The following ZFAND6 variants were observed in gnomAD, a reference collection of about 807,000 sequenced individuals.
ZFAND6 encodes the protein AN1-type zinc finger protein 6.
In ZFAND6, 12 loss-of-function variants were observed where a neutral mutation model predicts 24.5. The ratio of observed to expected loss-of-function variants is 0.49; its 90% CI spans 0.31 to 0.79. The LOEUF (loss-of-function observed/expected upper bound fraction) is 0.79, where lower values mean the gene tolerates loss of function less well. Ranked by LOEUF, ZFAND6 falls within the 30% of genes least tolerant of loss-of-function variation. ZFAND6 has a pLI of 0.04. For synonymous variants in ZFAND6, 92 were observed against 81.5 expected (o/e 1.13, Z -0.69); for missense variants, 207 against 245.9 (o/e 0.84, Z 1.06).
chr15:80,069,811 C>G (rs1267059090), intron 1 of ZFAND6, among the ~76,000 whole-genome samples: 1 of 151,962 alleles, frequency 6.6e-6, no homozygotes. Flanking sequence ...GTTTCACCAT[C>G]TTGGCCAGGC....
At chr15:80,062,572 T>A (rs1373800527) in intron 1 of ZFAND6, among the ~76,000 whole-genome samples, 1 of 152,232 alleles carries the variant, frequency 6.6e-6, no homozygotes, top group Admixed American at 6.5e-5. Context: ...TACATGTAAT[T>A]TTGAATAACC....
At chr15:80,091,698 C>T (rs555582390) in intron 1 of ZFAND6, among the ~76,000 whole-genome samples, 44 of 152,110 alleles carry the variant, frequency 2.9e-4, no homozygotes, top group South Asian at 1.7e-3. Flanking sequence ...GGAGTGCAGA[C>T]GCACAATCAT....
At chr15:80,128,596 A>G (rs1417887335) in intron 5 of ZFAND6, among the ~76,000 whole-genome samples, 3 of 152,210 alleles carry the variant, frequency 2.0e-5, no homozygotes, top group Non-Finnish European at 4.4e-5. Context: ...GTACTATATC[A>G]TCTTGTCCGT....
chr15:80,079,688 C>T (rs1248512403), intron 1 of ZFAND6, among the ~76,000 whole-genome samples: 3 of 123,756 alleles, frequency 2.4e-5, no homozygotes, highest in Non-Finnish European at 4.8e-5. Flanking sequence ...CTCGCTGTGT[C>T]GCCCAGGCTG....
intron 1 of ZFAND6, among the ~76,000 whole-genome samples, chr15:80,074,321 TAGTA>T (rs2037144305): frequency 6.6e-6 from 1 of 151,894 alleles, no homozygotes; most frequent in Non-Finnish European, 1.5e-5. Context: ...GTGTTGCTAT[TAGTA>T]AGTATGGGGC....
At chr15:80,127,537 C>G (rs1360645297) in intron 5 of ZFAND6, among the ~76,000 whole-genome samples, 6 of 142,356 alleles carry the variant, frequency 4.2e-5, no homozygotes, top group Non-Finnish European at 3.0e-5. Flanking sequence ...TTGCAGTGAG[C>G]TGAGATTGTG....
chr15:80,080,104 T>A (rs2037565165), intron 1 of ZFAND6, among the ~76,000 whole-genome samples: 1 of 151,788 alleles, frequency 6.6e-6, no homozygotes, highest in South Asian at 2.1e-4. Flanking sequence ...GTTCAAGCAG[T>A]TCTCCCGTCT....
rs2040922853 is a variant in ZFAND6 at position 80,137,637 on chromosome 15, T to C, written c.*9T>C. ...AGATCCAAAAGATTTGAACTCCTGC[T>C]GGAATACAAAATTCTTGAGCATCTG... On this transcript the variant is annotated 3_prime_UTR_variant, in exon 7 of 7. Transcript: ENST00000261749. 1.3e-6 allele frequency: 2 copies of C among 1,565,288 alleles called. No homozygotes were observed. The highest frequency in any genetic ancestry group is 2.2e-5 in the Admixed American group (1 of 46,150).
intron 1 of ZFAND6, among the ~76,000 whole-genome samples, chr15:80,090,199 C>T (rs1227530640): frequency 2.6e-5 from 4 of 152,174 alleles, no homozygotes; most frequent in African/African-American, 4.8e-5. Flanking sequence ...GCCAGATGTA[C>T]ATTTTTTTCT....
chr15:80,061,138 G>C (rs1253136098), intron 1 of ZFAND6, among the ~76,000 whole-genome samples: 2 of 152,138 alleles, frequency 1.3e-5, no homozygotes, highest in African/African-American at 4.8e-5. Flanking sequence ...AAATATGCAC[G>C]TTTAGCTTTC....
At chr15:80,069,697 T>C (rs1389631295) in intron 1 of ZFAND6, among the ~76,000 whole-genome samples, 2 of 152,046 alleles carry the variant, frequency 1.3e-5, no homozygotes, top group East Asian at 1.9e-4. Context: ...CAATGTCTGC[T>C]GCCCGGGTTC....
Position 80,097,755 on chromosome 15 carries a change from A to G in ZFAND6, c.-180-661A>G, listed in dbSNP as rs532344892. The stretch of plus-strand genomic sequence containing the variant: ...TATTTGCTAATGGGATGGAGAAACA[A>G]AGATTTTTATCTTGTAATTGTAGTT... On this transcript the variant is annotated intron_variant, in intron 1 of 6. Coordinates refer to ENST00000261749, the MANE Select transcript of ZFAND6 (RefSeq NM_019006.4). Among the ~76,000 whole-genome samples the G allele has an allele frequency of 1.2e-4, 19 of 152,338 alleles. No individual in the cohort carries two copies. The South Asian group carries it at 3.1e-3, about 25-fold the overall frequency.
At chr15:80,102,720 T>C (rs1375890001) in intron 2 of ZFAND6, among the ~76,000 whole-genome samples, 9 of 152,162 alleles carry the variant, frequency 5.9e-5, no homozygotes, top group Admixed American at 5.9e-4. Context: ...TTAAAAGTAG[T>C]CTGGATTTCA....
In ZFAND6 at chr15:80,070,367, G is replaced by C. The variant is rs563626690; in HGVS notation, c.-181+10558G>C. Among the ~76,000 whole-genome samples the C allele has an allele frequency of 4.6e-5, 7 of 152,272 alleles. No individual in the cohort carries two copies. In the South Asian group the frequency reaches 1.5e-3, roughly 32 times the overall value. On this transcript the variant is annotated intron_variant, in intron 1 of 6. Transcript: ENST00000261749. ...TACTGCATGCAATCAGGGAGCTCCA[G>C]AGCTTTTTGCAGGCTCCTTGTTCCT...
At chr15:80,103,006 C>T (rs2039119299) in intron 2 of ZFAND6, among the ~76,000 whole-genome samples, 1 of 152,200 alleles carries the variant, frequency 6.6e-6, no homozygotes, top group African/African-American at 2.4e-5. Context: ...TCCTCCCCAC[C>T]TCCATCCATG....
intron 2 of ZFAND6, among the ~76,000 whole-genome samples, chr15:80,114,680 A>G (rs1245958480): frequency 6.6e-6 from 1 of 152,228 alleles, no homozygotes. Context: ...TGCTGTTATA[A>G]TTGAGTTTAT....
At chr15:80,072,764 A>T (rs1243047195) in intron 1 of ZFAND6, 1 of 152,054 alleles carries the variant, frequency 6.6e-6, no homozygotes, top group Non-Finnish European at 1.5e-5. Flanking sequence ...ACTGAACACT[A>T]AAATTAAGCA....
At chr15:80,104,494 G>A (rs185968582) in intron 2 of ZFAND6, among the ~76,000 whole-genome samples, 14 of 152,060 alleles carry the variant, frequency 9.2e-5, no homozygotes. Context: ...ACTCCAGCCT[G>A]GGCGACAGAG....
Position 80,122,791 on chromosome 15 carries a change from G to C in ZFAND6, c.355G>C (p.Asp119His). ...GGACAAAGCAGTACCTGAAACAGAA[G>C]ATGTGCAGGGTTTGTATATGAACTA... Reference protein sequence around the residue: ...SVDKAVPETEDVQASVSDTAQ... With the variant: ...SVDKAVPETEHVQASVSDTAQ... The change falls in exon 5 of 7, where the codon GAT (aspartate) becomes CAT (histidine). Residue 119 changes from aspartate to histidine, a missense_variant. Around this residue, in one of 3 missense-constraint regions of ZFAND6, gnomAD observed 133 missense variants for 122.8 expected, o/e 1.08. Coordinates refer to ENST00000261749, the MANE Select transcript of ZFAND6 (RefSeq NM_019006.4). 2 of 1,611,434 alleles carry C rather than the reference G, an allele frequency of 1.2e-6. No individual in the cohort carries two copies. Among genetic ancestry groups the C allele is most frequent in the Non-Finnish European group, 1.7e-6 (2 of 1,177,836 alleles).
Sources: gnomAD v4.1 joint callset for allele counts (sites outside exome capture counted in the v4.1 genomes callset) on GRCh38, gnomAD v4.1.1 for gene constraint, gnomAD v4.1.1 regional missense constraint, MANE v1.5 for transcripts, NCBI Gene and HGNC (gene_info 2026-07-23, HGNC 2026-07-21) for gene names.